The following RAPGEF4 variants were observed in gnomAD, a reference collection of about 807,000 sequenced individuals.
RAPGEF4 encodes the protein RAP guanine-nucleotide-exchange factor (GEF) 4.
In RAPGEF4, 66 loss-of-function variants were observed where a neutral mutation model predicts 147.9. The observed-to-expected ratio is 0.45, with a 90% CI of 0.37 to 0.55. The LOEUF is 0.55. RAPGEF4 is among the 20% of genes least tolerant of loss of function. The pLI is 0.00. For synonymous variants in RAPGEF4, 419 were observed against 442.7 expected (o/e 0.95, Z 0.67); for missense variants, 1,071 against 1,257.3 (o/e 0.85, Z 2.24).
chr2:172,799,371 A>G (rs1686738167), intron 3 of RAPGEF4, among the ~76,000 whole-genome samples: 1 of 152,176 alleles, frequency 6.6e-6, no homozygotes, highest in Non-Finnish European at 1.5e-5. Flanking sequence ...AGGCACCTGA[A>G]CAGATGCTCT....
At chr2:172,865,116 CCACTTTCCA>C (rs2149790796) in intron 4 of RAPGEF4, among the ~76,000 whole-genome samples, 1 of 152,300 alleles carries the variant, frequency 6.6e-6, no homozygotes, top group South Asian at 2.1e-4. Context: ...GAAAACCACA[CCACTTTCCA>C]CATGGCTTCT....
intron 1 of RAPGEF4, among the ~76,000 whole-genome samples, chr2:172,773,882 G>T (rs1419952776): frequency 6.6e-6 from 1 of 152,162 alleles, no homozygotes; most frequent in African/African-American, 2.4e-5. Context: ...GTATGAATTG[G>T]CTCTGAATCC....
At chr2:172,773,755 A>C (rs1436079363) in intron 1 of RAPGEF4, among the ~76,000 whole-genome samples, 1 of 150,986 alleles carries the variant, frequency 6.6e-6, no homozygotes, top group Non-Finnish European at 1.5e-5. Flanking sequence ...GAAGCTCTAA[A>C]GCCAAAAAAC....
At chr2:172,968,361 C>G (rs1690088046) in intron 10 of RAPGEF4, among the ~76,000 whole-genome samples, 1 of 152,186 alleles carries the variant, frequency 6.6e-6, no homozygotes, top group Admixed American at 6.5e-5. Context: ...TTACATGTTA[C>G]ATGTCCTGGA....
chr2:172,810,218 C>T (rs1687894100), intron 3 of RAPGEF4, among the ~76,000 whole-genome samples: 1 of 152,182 alleles, frequency 6.6e-6, no homozygotes, highest in South Asian at 2.1e-4. Flanking sequence ...ACTGAATATC[C>T]TTGAGCCTGA....
intron 4 of RAPGEF4, among the ~76,000 whole-genome samples, chr2:172,900,691 G>T (rs1698977472): frequency 6.6e-6 from 1 of 152,032 alleles, no homozygotes; most frequent in Non-Finnish European, 1.5e-5. Context: ...TTTTCTGATT[G>T]ATTTAAGACA....
At chr2:172,785,129 T>C (rs1164604551) in intron 1 of RAPGEF4, among the ~76,000 whole-genome samples, 2 of 152,204 alleles carry the variant, frequency 1.3e-5, no homozygotes, top group Non-Finnish European at 2.9e-5. Flanking sequence ...CCAGCCAAAA[T>C]GGAATTCTTA....
At chr2:172,871,276 G>A (rs953672732) in intron 4 of RAPGEF4, among the ~76,000 whole-genome samples, 11 of 152,210 alleles carry the variant, frequency 7.2e-5, no homozygotes, top group Non-Finnish European at 1.5e-4. Context: ...ACTTGCCTTA[G>A]ACTTGCACTG....
chr2:172,904,546 C>T (rs763764312), intron 4 of RAPGEF4, among the ~76,000 whole-genome samples: 6 of 152,164 alleles, frequency 3.9e-5, no homozygotes, highest in Non-Finnish European at 8.8e-5. Flanking sequence ...ACTAAAATTA[C>T]ACTCATACCA....
chr2:172,859,956 C>T (rs749491526), intron 4 of RAPGEF4: 110 of 876,210 alleles, frequency 1.3e-4, no homozygotes, highest in Non-Finnish European at 1.4e-4. Context: ...AATCCTTGTC[C>T]GGGAGTGACT....
chr2:172,841,069 T>A (rs2149702812), intron 4 of RAPGEF4, among the ~76,000 whole-genome samples: 1 of 152,284 alleles, frequency 6.6e-6, no homozygotes, highest in East Asian at 1.9e-4. Flanking sequence ...CCCAGAAAAA[T>A]GCATGCTATG....
intron 29 of RAPGEF4, among the ~76,000 whole-genome samples, chr2:173,047,374 C>T (rs879436744): frequency 6.6e-6 from 1 of 152,154 alleles, no homozygotes; most frequent in Non-Finnish European, 1.5e-5. Flanking sequence ...AAGATGATCA[C>T]TTAGTGACCA....
In RAPGEF4 at chr2:172,796,728, T is replaced by G. The variant is rs1574865736; in HGVS notation, c.209-797T>G. Among the ~76,000 whole-genome samples, 3 of 152,164 alleles carry G rather than the reference T, an allele frequency of 2.0e-5. No homozygotes were observed. In the South Asian group the frequency reaches 6.2e-4, roughly 32 times the overall value. The stretch of plus-strand genomic sequence containing the variant: ...AAGCTTGCTCTTCTCCAATAAGCAC[T>G]AGCCTTGCCAGGACTCGGTTGTCCC... On this transcript the variant is annotated intron_variant, in intron 2 of 30. Transcript: ENST00000397081.
rs564426773 is a variant in RAPGEF4, at chr2:172,932,388, A to G, written c.537+10088A>G. 6.6e-5 allele frequency among the ~76,000 whole-genome samples: 10 copies of G among 152,346 alleles called. No individual in the cohort carries two copies. The East Asian group carries it at 9.6e-4, about 15-fold the overall frequency. On this transcript the variant is annotated intron_variant, in intron 6 of 30. Coordinates refer to ENST00000397081, the MANE Select transcript of RAPGEF4 (RefSeq NM_007023.4). Reference sequence around the variant, plus strand: ...GAGTTCCAGTCCTGTAAGTTAAACAAATTTTCTCAAGGAATGGGGCTGTTA... The same window carrying G: ...GAGTTCCAGTCCTGTAAGTTAAACAGATTTTCTCAAGGAATGGGGCTGTTA...
chr2:173,001,621 A>C (rs1693929464), intron 17 of RAPGEF4, among the ~76,000 whole-genome samples: 1 of 152,154 alleles, frequency 6.6e-6, no homozygotes, highest in Admixed American at 6.5e-5. Context: ...GAAATACCCG[A>C]GGCTGGGTAA....
At chr2:172,900,022 A>G (rs936028447) in intron 4 of RAPGEF4, among the ~76,000 whole-genome samples, 13 of 152,268 alleles carry the variant, frequency 8.5e-5, no homozygotes, top group African/African-American at 2.9e-4. Flanking sequence ...AACTGGACAC[A>G]TGGGCACCCA....
intron 4 of RAPGEF4, among the ~76,000 whole-genome samples, chr2:172,869,785 G>A (rs1220507753): frequency 6.6e-6 from 1 of 152,120 alleles, no homozygotes; most frequent in Admixed American, 6.5e-5. Context: ...GCATTTGGAG[G>A]GCAGGGATTG....
chr2:172,867,352 G>T (rs1694767098), intron 4 of RAPGEF4, among the ~76,000 whole-genome samples: 1 of 152,150 alleles, frequency 6.6e-6, no homozygotes, highest in Admixed American at 6.5e-5. Context: ...CAAGCAGTTG[G>T]CTTCTTTGTT....
At chr2:173,029,946 A>G (rs1697027771) in intron 25 of RAPGEF4, among the ~76,000 whole-genome samples, 1 of 152,254 alleles carries the variant, frequency 6.6e-6, no homozygotes, top group Non-Finnish European at 1.5e-5. Context: ...CCAAACCTCA[A>G]TGGCTAACGT....
Sources: gnomAD v4.1 joint callset for allele counts (sites outside exome capture counted in the v4.1 genomes callset) on GRCh38, gnomAD v4.1.1 for gene constraint, MANE v1.5 for transcripts, NCBI Gene and HGNC (gene_info 2026-07-23, HGNC 2026-07-21) for gene names.